FHIT: variants seen among roughly 807,000 people sequenced by gnomAD.
FHIT encodes bis(5'-adenosyl)-triphosphatase.
In FHIT, 19 loss-of-function variants were observed where a neutral mutation model predicts 17.9. The ratio of observed to expected loss-of-function variants is 1.06; its 90% confidence interval spans 0.74 to 1.56. FHIT has a LOEUF of 1.56. Among genes scored for constraint, FHIT ranks in the 40% most tolerant of loss-of-function variants. FHIT has a pLI of 0.00. For synonymous variants in FHIT, 81 were observed against 69.7 expected (o/e 1.16, Z -0.81); for missense variants, 248 against 189.2 (o/e 1.31, Z -1.82).
chr3:61,072,779 G>T (rs1391610713), intron 2 of FHIT, among the ~76,000 whole-genome samples: 1 of 152,080 alleles, frequency 6.6e-6, no homozygotes, highest in Non-Finnish European at 1.5e-5. Context: ...AAAGTGCCAA[G>T]CTCATGACAG....
chr3:60,537,696 T>G (rs186481801), intron 4 of FHIT, among the ~76,000 whole-genome samples: 31 of 152,186 alleles, frequency 2.0e-4, no homozygotes, highest in Admixed American at 1.5e-3. Context: ...TGAAGGGAAT[T>G]TGGCAAATGG....
intron 4 of FHIT, among the ~76,000 whole-genome samples, chr3:60,578,580 A>T (rs572115655): frequency 6.6e-6 from 1 of 152,260 alleles, no homozygotes; most frequent in African/African-American, 2.4e-5. Flanking sequence ...ATTTGCTAGA[A>T]ATTAACCAAT....
intron 5 of FHIT, among the ~76,000 whole-genome samples, chr3:60,143,804 T>C (rs946297158): frequency 5.9e-5 from 9 of 152,098 alleles, no homozygotes; most frequent in African/African-American, 2.2e-4. Flanking sequence ...ATAAATTAAA[T>C]TTGTCACTCA....
chr3:60,592,910 T>C (rs2038134533), intron 4 of FHIT, among the ~76,000 whole-genome samples: 1 of 152,112 alleles, frequency 6.6e-6, no homozygotes, highest in Non-Finnish European at 1.5e-5. Flanking sequence ...TGGGTTCCTG[T>C]GCCTGGGATA....
intron 3 of FHIT, among the ~76,000 whole-genome samples, chr3:60,926,469 C>T (rs1391827805): frequency 5.9e-5 from 9 of 152,042 alleles, no homozygotes; most frequent in African/African-American, 1.7e-4. Context: ...GGGTACGTCG[C>T]GAAATGAAGA....
intron 5 of FHIT, among the ~76,000 whole-genome samples, chr3:60,039,093 G>C (rs959604238): frequency 6.6e-6 from 1 of 152,152 alleles, no homozygotes; most frequent in East Asian, 1.9e-4. Context: ...ACCTAAGCTA[G>C]GATTTGAATA....
At chr3:59,902,047 CA>C (rs1239284178) in intron 8 of FHIT, among the ~76,000 whole-genome samples, 1 of 152,116 alleles carries the variant, frequency 6.6e-6, no homozygotes, top group Non-Finnish European at 1.5e-5. Flanking sequence ...AACCATATAT[CA>C]GACAGGGGAT....
At chr3:59,980,422 G>GTATA (rs1559517435) in intron 7 of FHIT, among the ~76,000 whole-genome samples, 1 of 152,158 alleles carries the variant, frequency 6.6e-6, no homozygotes, top group African/African-American at 2.4e-5. Flanking sequence ...GTTCCTGAAG[G>GTATA]TATAATGCCT....
intron 3 of FHIT, among the ~76,000 whole-genome samples, chr3:60,854,830 A>G (rs1011807657): frequency 6.6e-5 from 10 of 152,180 alleles, no homozygotes; most frequent in African/African-American, 2.4e-4. Context: ...TGAGCTGAGC[A>G]TTGCTGCTCC....
At chr3:59,786,944 T>C (rs1234093589) in intron 8 of FHIT, among the ~76,000 whole-genome samples, 2 of 152,220 alleles carry the variant, frequency 1.3e-5, no homozygotes, top group Admixed American at 6.5e-5. Context: ...ATCCACTTTC[T>C]ACCTTAGAAA....
intron 1 of FHIT, among the ~76,000 whole-genome samples, chr3:61,213,117 C>G (rs977266583): frequency 2.0e-5 from 3 of 152,180 alleles, no homozygotes; most frequent in Non-Finnish European, 2.9e-5. Flanking sequence ...AAATAACCAG[C>G]TAACATCATA....
intron 5 of FHIT, among the ~76,000 whole-genome samples, chr3:60,436,178 G>C (rs1385640737): frequency 6.6e-6 from 1 of 152,038 alleles, no homozygotes; most frequent in African/African-American, 2.4e-5. Flanking sequence ...TTCCCAAGTA[G>C]CTGGAATTAC....
At chr3:60,757,697 C>T (rs1699493200) in intron 4 of FHIT, among the ~76,000 whole-genome samples, 1 of 152,152 alleles carries the variant, frequency 6.6e-6, no homozygotes, top group Non-Finnish European at 1.5e-5. Flanking sequence ...CAGCCAGCCC[C>T]TCATGGGTCT....
intron 2 of FHIT, among the ~76,000 whole-genome samples, chr3:61,192,633 G>A (rs988743788): frequency 2.6e-5 from 4 of 152,174 alleles, no homozygotes; most frequent in Admixed American, 6.5e-5. Context: ...CATCTTCGGT[G>A]ATAAATCCAT....
At chr3:60,113,492 C>T (rs937808741) in intron 5 of FHIT, among the ~76,000 whole-genome samples, 2 of 151,826 alleles carry the variant, frequency 1.3e-5, no homozygotes, top group African/African-American at 2.4e-5. Context: ...TTCAGTGTTA[C>T]ATCTACTATG....
chr3:60,791,421 T>C (rs1236394193), intron 4 of FHIT, among the ~76,000 whole-genome samples: 1 of 152,188 alleles, frequency 6.6e-6, no homozygotes, highest in African/African-American at 2.4e-5. Flanking sequence ...TAACTAAAAC[T>C]TTCTGCCTGA....
intron 1 of FHIT, among the ~76,000 whole-genome samples, chr3:61,215,888 A>C (rs539208135): frequency 0.013 from 1,938 of 152,350 alleles, 41 homozygotes; most frequent in African/African-American, 0.044. Context: ...AAAACAAGCA[A>C]TGGGGAAAGG....
At chr3:60,546,865 A>G (rs116017065) in intron 4 of FHIT, among the ~76,000 whole-genome samples, 14 of 151,956 alleles carry the variant, frequency 9.2e-5, no homozygotes, top group African/African-American at 3.4e-4. Flanking sequence ...TTAAATACTA[A>G]TAGTTTTCTC....
intron 3 of FHIT, among the ~76,000 whole-genome samples, chr3:60,915,665 C>T (rs2107290402): frequency 6.6e-6 from 1 of 152,164 alleles, no homozygotes; most frequent in East Asian, 1.9e-4. Context: ...GAAGTGTCAG[C>T]ACAATGATAT....
Sources: allele counts gnomAD v4.1 joint callset (sites outside exome capture counted in the v4.1 genomes callset), GRCh38; gene constraint gnomAD v4.1.1; transcripts MANE v1.5; gene names NCBI Gene and HGNC (gene_info 2026-07-23, HGNC 2026-07-21).